ARSK: variants seen among roughly 807,000 people sequenced by gnomAD.
ARSK encodes arylsulfatase family member K.
A neutral mutation model predicts 53.2 loss-of-function variants in ARSK; 37 were observed. That is an observed-to-expected ratio of 0.70 (90% CI 0.54 to 0.92). The LOEUF (loss-of-function observed/expected upper bound fraction) is 0.92. Among genes scored for constraint, ARSK ranks in the 40% least tolerant of loss-of-function variants. ARSK has a pLI of 0.00. For synonymous variants in ARSK, 208 were observed against 223.2 expected (o/e 0.93, Z 0.61); for missense variants, 613 against 643.0 (o/e 0.95, Z 0.51).
chr5:95,599,216 C>T (rs992331996), intron 6 of ARSK, among the ~76,000 whole-genome samples: 3 of 152,202 alleles, frequency 2.0e-5, no homozygotes, highest in African/African-American at 4.8e-5. Context: ...AATGACTTCT[C>T]ATAAACACAG....
chr5:95,592,247 A>C (rs1403880060), intron 6 of ARSK, among the ~76,000 whole-genome samples: 1 of 152,212 alleles, frequency 6.6e-6, no homozygotes, highest in Non-Finnish European at 1.5e-5. Context: ...TTTAAACACT[A>C]GTTTCTCTGT....
chr5:95,600,812 C>A, intron 6 of ARSK, 35 bp from the exon 7 acceptor site: 1 of 1,545,376 alleles, frequency 6.5e-7, no homozygotes. Context: ...AAAGAATGAG[C>A]TATTTTAAGA....
intron 3 of ARSK, among the ~76,000 whole-genome samples, chr5:95,582,096 G>A (rs1157131768): frequency 1.3e-5 from 2 of 151,908 alleles, no homozygotes; most frequent in East Asian, 3.8e-4. Context: ...TTGGTATCTG[G>A]ATTTTTAAAA....
chr5:95,561,017 G>A (rs1748623538), intron 1 of ARSK, among the ~76,000 whole-genome samples: 1 of 152,042 alleles, frequency 6.6e-6, no homozygotes, highest in Non-Finnish European at 1.5e-5. Flanking sequence ...CACCGTATTA[G>A]CCAGGATGGT....
rs1748460866 is a variant in ARSK, at chr5:95,555,148, C to T, written c.-131C>T. ...GAGTTGTAGTTCTGCGGGTGAAGCTCGGCGTTACTATCAAGCAACCAAACT... is the reference window on the plus strand; with the variant it reads ...GAGTTGTAGTTCTGCGGGTGAAGCTTGGCGTTACTATCAAGCAACCAAACT... On this transcript the variant is annotated 5_prime_UTR_variant, in exon 1 of 8. Transcript: ENST00000380009. This position sits in a 1 kb window ranked among gnomAD's most constrained non-coding sequence, Gnocchi z 4.0. The T allele has an allele frequency of 6.7e-6, 5 of 743,678 alleles. No individual in the cohort carries two copies. The highest frequency in any genetic ancestry group is 6.2e-5 in the South Asian group (4 of 64,612). The allele number at this position is 743,678 out of a possible 1,614,324, so 46.1% of individuals were successfully genotyped here.
chr5:95,602,082 A>G (rs934769484), intron 7 of ARSK, among the ~76,000 whole-genome samples: 1 of 152,152 alleles, frequency 6.6e-6, no homozygotes, highest in Admixed American at 6.5e-5. Flanking sequence ...GGCTCATTTT[A>G]CCTGAACCAG....
chr5:95,597,496 G>C (rs1011773095), intron 6 of ARSK, among the ~76,000 whole-genome samples: 2 of 152,204 alleles, frequency 1.3e-5, no homozygotes, highest in African/African-American at 4.8e-5. Context: ...TACAGAGATT[G>C]TAAGGTCAGA....
chr5:95,568,119 C>T (rs1384234120), intron 3 of ARSK, 70 bp downstream of exon 3: 23 of 1,433,000 alleles, frequency 1.6e-5, no homozygotes, highest in Non-Finnish European at 2.1e-5. Flanking sequence ...CTCTTTTTGA[C>T]TTTAATTTTT....
chr5:95,568,394 G>A lies in ARSK; in HGVS notation c.416+345G>A, dbSNP rs141833962. Among the ~76,000 whole-genome samples, 9 of 151,640 alleles carry A rather than the reference G, an allele frequency of 5.9e-5. No homozygotes were observed. The South Asian group carries it at 6.2e-4, about 11-fold the overall frequency. On this transcript the variant is annotated intron_variant, in intron 3 of 7. Coordinates refer to ENST00000380009, the MANE Select transcript of ARSK (RefSeq NM_198150.3). Reference sequence around the variant, plus strand: ...AAACCATAGCCTTCTTGCTGCTTTCGTTGGTCAGTTCTCTCTAACTTGAGT... The same window carrying A: ...AAACCATAGCCTTCTTGCTGCTTTCATTGGTCAGTTCTCTCTAACTTGAGT...
At position 95,555,355 on chromosome 5, in the gene ARSK, G is replaced by A; in HGVS notation, c.77G>A (p.Arg26Gln). The change falls in exon 1 of 8, where the codon CGG (arginine) becomes CAG (glutamine). Residue 26 changes from arginine (R) to glutamine (Q), a missense_variant. By Grantham distance (43) the Arg-to-Gln change is conservative (BLOSUM62 1). Transcript: ENST00000380009. This position sits in a 1 kb window ranked among gnomAD's most constrained non-coding sequence, Gnocchi z 4.0. ...GCCCCCGGAGCAGGGGAGCAGAGGC[G>A]GAGAGCAGCCAAAGCGCCCAATGTG... ...VLAPGAGEQR[R>Q]RAAKAPNVVL... is the part of the protein sequence containing the mutation. The A allele has an allele frequency of 1.2e-6, 2 of 1,610,270 alleles. No individual in the cohort carries two copies. The highest frequency in any genetic ancestry group is 1.7e-6 in the Non-Finnish European group (2 of 1,179,370).
chr5:95,603,002 G>A (rs1040756632), intron 7 of ARSK, among the ~76,000 whole-genome samples: 48 of 150,598 alleles, frequency 3.2e-4, no homozygotes, highest in Non-Finnish European at 6.2e-4. Flanking sequence ...TTTAAGAAAA[G>A]AAAAAAAAAG....
chr5:95,557,731 G>C (rs1748549737), intron 1 of ARSK, among the ~76,000 whole-genome samples: 1 of 152,166 alleles, frequency 6.6e-6, no homozygotes, highest in Non-Finnish European at 1.5e-5. Context: ...CAGTTAAGCT[G>C]GATAATAATT....
At chr5:95,563,885 C>T (rs1054552977) in intron 1 of ARSK, among the ~76,000 whole-genome samples, 2 of 151,076 alleles carry the variant, frequency 1.3e-5, no homozygotes, top group African/African-American at 4.9e-5. Context: ...AACCATAAGA[C>T]ATATATACAT....
chr5:95,567,742 G>T (rs772332410), intron 2 of ARSK, 148 bp from the exon 3 acceptor site: 3 of 659,850 alleles, frequency 4.5e-6, no homozygotes, highest in Non-Finnish European at 7.3e-6. Context: ...GTAACAATCA[G>T]AAATGTTTGG....
chr5:95,596,656 A>G (rs1749313505), intron 6 of ARSK, among the ~76,000 whole-genome samples: 1 of 152,104 alleles, frequency 6.6e-6, no homozygotes, highest in Non-Finnish European at 1.5e-5. Flanking sequence ...CCTCACTTCC[A>G]TTCTGTGGAT....
rs547880261 is a variant in ARSK, at chr5:95,597,619, C to T, written c.1097-3228C>T. On this transcript the variant is annotated intron_variant, in intron 6 of 7. Coordinates refer to ENST00000380009, the MANE Select transcript of ARSK (RefSeq NM_198150.3). ...TCAATGAAAATGGGGATAGGCCAGGCGTGGTGGCTCACGCCTGTAATCCCA... is the reference window on the plus strand; with the variant it reads ...TCAATGAAAATGGGGATAGGCCAGGTGTGGTGGCTCACGCCTGTAATCCCA... 2.6e-4 allele frequency among the ~76,000 whole-genome samples: 39 copies of T among 152,286 alleles called. No homozygotes were observed. The East Asian group carries it at 5.4e-3, about 21-fold the overall frequency.
rs565298052 is a variant in ARSK at position 95,589,241 on chromosome 5, TAGA to T, written c.872-2155_872-2153del. 8.1e-4 allele frequency among the ~76,000 whole-genome samples: 124 copies of T among 152,358 alleles called. 1 individual carries two copies. Among genetic ancestry groups the T allele is most frequent in the Non-Finnish European group, 1.6e-3 (106 of 68,032 alleles). On this transcript the variant is annotated intron_variant, in intron 5 of 7. Transcript: ENST00000380009. The stretch of plus-strand genomic sequence containing the variant: ...TTCGTCTGTTTACCATCTGTTTCCC[TAGA>T]AGAACACAAGCTTCATGAGGGCGGG...
intron 4 of ARSK, among the ~76,000 whole-genome samples, chr5:95,585,695 T>C (rs530825937): frequency 6.6e-6 from 1 of 152,232 alleles, no homozygotes; most frequent in African/African-American, 2.4e-5. Flanking sequence ...GATAAAAGAC[T>C]ACATACAAAT....
Position 95,600,882 on chromosome 5 carries a change from G to A in ARSK, c.1132G>A (p.Gly378Arg). ...AATTCCTCTGCCTCAGAACCTGAGT[G>A]GATACTCTTTGTTGCCGTTATCATC... is the stretch of plus-strand genomic sequence containing the variant. ...AGIPLPQNLSGYSLLPLSSET... is the reference protein window; with the variant it reads ...AGIPLPQNLSRYSLLPLSSET... Residue 378 changes from glycine to arginine, a missense_variant, in exon 7 of 8, where the codon GGA (glycine) becomes AGA (arginine). Physicochemically the swap from Gly to Arg is moderately radical, Grantham distance 125. Coordinates refer to ENST00000380009, the MANE Select transcript of ARSK (RefSeq NM_198150.3). 1 of 1,614,028 alleles carries A rather than the reference G, an allele frequency of 6.2e-7. No homozygotes were observed. The highest frequency in any genetic ancestry group is 8.5e-7 in the Non-Finnish European group (1 of 1,179,936).
Sources: gnomAD v4.1 joint callset for allele counts (sites outside exome capture counted in the v4.1 genomes callset) on GRCh38, gnomAD v4.1.1 for gene constraint, Gnocchi (gnomAD v3.1) non-coding constraint, MANE v1.5 for transcripts, NCBI Gene and HGNC (gene_info 2026-07-23, HGNC 2026-07-21) for gene names.